The following PXDNL variants were observed in gnomAD, a reference collection of about 807,000 sequenced individuals.
PXDNL encodes probable oxidoreductase PXDNL.
PXDNL carries 145 observed loss-of-function variants against 150.8 expected under a neutral mutation model. The ratio of observed to expected loss-of-function variants is 0.96; its 90% CI spans 0.84 to 1.10. PXDNL has a LOEUF of 1.10. Among genes scored for constraint, PXDNL ranks in the 50% least tolerant of loss-of-function variants. The probability of loss-of-function intolerance (pLI) is 0.00; values close to 1 mark genes in which losing one functional copy is unlikely to be tolerated. For synonymous variants in PXDNL, 757 were observed against 725.7 expected, an observed-to-expected ratio of 1.04 and a Z score of -0.69; for missense variants, 2,087 against 1,873.9, an observed-to-expected ratio of 1.11 and a Z score of -2.10.
intron 16 of PXDNL, among the ~76,000 whole-genome samples, chr8:51,410,444 C>T (rs745530369): frequency 1.3e-5 from 2 of 152,156 alleles, no homozygotes; most frequent in Non-Finnish European, 2.9e-5. Flanking sequence ...TATTTTGCCT[C>T]AGGAAGCTTT....
intron 3 of PXDNL, among the ~76,000 whole-genome samples, chr8:51,577,996 AAAGAGGAAGGAAGGAAGGAAGGAAGG>A (rs1813112479): frequency 1.1e-4 from 5 of 45,512 alleles, no homozygotes; most frequent in African/African-American, 4.3e-4. Context: ...AGAAAGAAAG[AAAGAGGAAGGAAGGAAGGAAGGAAGG>A]AAGGAAGGAA....
At chr8:51,634,759 C>T (rs1020411430) in intron 2 of PXDNL, among the ~76,000 whole-genome samples, 1 of 151,852 alleles carries the variant, frequency 6.6e-6, no homozygotes, top group Admixed American at 6.6e-5. Context: ...GGATTGCACT[C>T]TTGATATGGC....
chr8:51,662,385 G>A (rs1314768474), intron 1 of PXDNL, among the ~76,000 whole-genome samples: 1 of 152,162 alleles, frequency 6.6e-6, no homozygotes, highest in Admixed American at 6.5e-5. Context: ...GGGCATGGTG[G>A]CAGGCCCCTG....
At chr8:51,552,803 A>C (rs373983164) in intron 4 of PXDNL, among the ~76,000 whole-genome samples, 1 of 152,220 alleles carries the variant, frequency 6.6e-6, no homozygotes, top group Non-Finnish European at 1.5e-5. Context: ...ACCAAACGCC[A>C]TGTGTTCCCC....
chr8:51,444,992 C>T (rs1809642700), intron 12 of PXDNL, among the ~76,000 whole-genome samples: 1 of 151,876 alleles, frequency 6.6e-6, no homozygotes, highest in Admixed American at 6.6e-5. Context: ...CTGAAACCTC[C>T]ACCTCCCAGG....
intron 2 of PXDNL, among the ~76,000 whole-genome samples, chr8:51,602,238 A>C (rs886822501): frequency 6.6e-6 from 1 of 151,930 alleles, no homozygotes; most frequent in Non-Finnish European, 1.5e-5. Context: ...CAACTAGATT[A>C]AGGAAGTTTT....
chr8:51,451,159 C>A (rs1488864229), intron 10 of PXDNL, among the ~76,000 whole-genome samples: 1 of 151,108 alleles, frequency 6.6e-6, no homozygotes, highest in Non-Finnish European at 1.5e-5. Flanking sequence ...AAAATATTAA[C>A]ATTTAATAAC....
At chr8:51,392,752 C>T (rs956563149) in intron 17 of PXDNL, among the ~76,000 whole-genome samples, 4 of 152,062 alleles carry the variant, frequency 2.6e-5, no homozygotes, top group African/African-American at 9.7e-5. Flanking sequence ...GCCTAATTGC[C>T]CTGGCCAGAA....
intron 2 of PXDNL, among the ~76,000 whole-genome samples, 190 bp from the exon 3 acceptor site, chr8:51,592,888 A>T (rs1281479442): frequency 6.6e-6 from 1 of 152,250 alleles, no homozygotes; most frequent in Non-Finnish European, 1.5e-5. Context: ...TGTCACAAAG[A>T]CTTTAAAATA....
intron 16 of PXDNL, among the ~76,000 whole-genome samples, chr8:51,410,999 A>G (rs1808623419): frequency 6.6e-6 from 1 of 152,242 alleles, no homozygotes; most frequent in African/African-American, 2.4e-5. Context: ...CACTTAATGT[A>G]GGTTCCCTAG....
chr8:51,678,610 C>T (rs374074888), intron 1 of PXDNL, among the ~76,000 whole-genome samples: 17 of 146,012 alleles, frequency 1.2e-4, no homozygotes, highest in Non-Finnish European at 2.1e-4. Context: ...AGTAAACTAT[C>T]GCAAGAACAA....
In PXDNL at chr8:51,372,088, G is replaced by T. The variant is rs1807136239; in HGVS notation, c.3693-7C>A. 2.0e-6 allele frequency: 3 copies of T among 1,500,980 alleles called. No homozygotes were observed. The highest frequency in any genetic ancestry group is 2.5e-5 in the East Asian group (1 of 39,948). 93.0% of individuals were successfully genotyped at this position (1,500,980 alleles called of 1,614,324 possible). On this transcript the variant is annotated splice_polypyrimidine_tract_variant and splice_region_variant and intron_variant, in intron 18 of 22. Transcript: ENST00000356297. The stretch of plus-strand genomic sequence containing the variant: ...AGGGTTTTCATACCAGAACCTGGTA[G>T]TCAACCAAAAAAAAAACATTGTCGT...
At chr8:51,725,245 C>A (rs1162825633) in intron 1 of PXDNL, among the ~76,000 whole-genome samples, 1 of 152,154 alleles carries the variant, frequency 6.6e-6, no homozygotes, top group Non-Finnish European at 1.5e-5. Context: ...ATCCTCATTC[C>A]CATGGCACCA....
intron 19 of PXDNL, among the ~76,000 whole-genome samples, chr8:51,350,462 C>T (rs1479960427): frequency 7.0e-6 from 1 of 142,542 alleles, no homozygotes; most frequent in Non-Finnish European, 1.5e-5. Flanking sequence ...CAGGTTCAAG[C>T]GATTCTCCTG....
intron 21 of PXDNL, among the ~76,000 whole-genome samples, chr8:51,334,654 CG>C (rs955600456): frequency 6.6e-6 from 1 of 151,926 alleles, no homozygotes; most frequent in African/African-American, 2.4e-5. Context: ...CTGACACCAC[CG>C]GAATGCAAAA....
intron 6 of PXDNL, 50 bp downstream of exon 6, chr8:51,483,593 T>G (rs1810652643): frequency 8.8e-7 from 1 of 1,142,818 alleles, no homozygotes; most frequent in East Asian, 2.6e-5. Context: ...GGATGGATTT[T>G]GGAGGAAATT....
chr8:51,712,274 G>C (rs1270584289), intron 1 of PXDNL, among the ~76,000 whole-genome samples: 1 of 151,936 alleles, frequency 6.6e-6, no homozygotes, highest in Non-Finnish European at 1.5e-5. Flanking sequence ...GACCAAAAGG[G>C]TCCATTTCTG....
intron 3 of PXDNL, among the ~76,000 whole-genome samples, chr8:51,563,376 C>T (rs1203674553): frequency 1.3e-5 from 2 of 151,920 alleles, no homozygotes; most frequent in African/African-American, 4.8e-5. Flanking sequence ...CATGTCTCTT[C>T]CTCTTTCAAG....
At chr8:51,747,712 G>C (rs924776415) in intron 1 of PXDNL, among the ~76,000 whole-genome samples, 1 of 152,196 alleles carries the variant, frequency 6.6e-6, no homozygotes, top group Non-Finnish European at 1.5e-5. Context: ...AGTACAATTA[G>C]CTGGTGTCAC....
Sources: gnomAD v4.1 joint callset for allele counts (sites outside exome capture counted in the v4.1 genomes callset) on GRCh38, gnomAD v4.1.1 for gene constraint, MANE v1.5 for transcripts, NCBI Gene and HGNC (gene_info 2026-07-23, HGNC 2026-07-21) for gene names.